The following SRPX variants were observed in gnomAD, a reference collection of about 807,000 sequenced individuals.
SRPX encodes the protein sushi repeat-containing protein SRPX.
In SRPX, 24 loss-of-function variants were observed where a neutral mutation model predicts 38.1. The ratio of observed to expected loss-of-function variants is 0.63; its 90% CI spans 0.46 to 0.89. The LOEUF (loss-of-function observed/expected upper bound fraction) is 0.89. SRPX is among the 40% of genes least tolerant of loss of function. The pLI is 0.00. For synonymous variants in SRPX, 184 were observed against 153.8 expected, an observed-to-expected ratio of 1.20 and a Z score of -1.45; for missense variants, 416 against 377.8, an observed-to-expected ratio of 1.10 and a Z score of -0.84.
chrX:38,203,562 T>A (rs1280787373), intron 1 of SRPX, among the ~76,000 whole-genome samples: 2 of 113,070 alleles, frequency 1.8e-5, no homozygotes, highest in Non-Finnish European at 3.7e-5. Context: ...GTGGATCACC[T>A]GAGGTGAGGA....
In SRPX at chrX:38,220,732, GCA is replaced by G. The variant is rs757161222; in HGVS notation, c.59_60del (p.Leu20ProfsTer23). ...CGGCTGGGCGGGACGCGCAGCAGCA[GCA>G]GCAGCAGCAGAGGCGGCAGCAGCAG... ...LLLLLPPLLL[L>X]LLLRVPPSRS... On this transcript the variant is annotated frameshift_variant, in exon 1 of 10. Transcript: ENST00000378533. LOFTEE classifies it high-confidence loss of function. 8 of 1,163,105 alleles carry G rather than the reference GCA, an allele frequency of 6.9e-6. No individual in the cohort carries two copies. In the South Asian group the frequency reaches 1.5e-4, roughly 22 times the overall value.
At position 38,172,067 on chromosome X, in the gene SRPX, A is replaced by G. The variant is rs781732790; in HGVS notation, c.350-10T>C. ...GTAGGACATCGCTTTTCTGAAAATGAGAAAATCAGATATTCAGCATTTCTT... is the reference window on the plus strand; with the variant it reads ...GTAGGACATCGCTTTTCTGAAAATGGGAAAATCAGATATTCAGCATTTCTT... On this transcript the variant is annotated splice_polypyrimidine_tract_variant and intron_variant, in intron 3 of 9. Transcript: ENST00000378533. 4 of 1,203,408 alleles carry G rather than the reference A, an allele frequency of 3.3e-6. No homozygotes were observed. The highest frequency in any genetic ancestry group is 3.5e-5 in the African/African-American group (2 of 57,227).
At position 38,178,279 on chromosome X, in the gene SRPX, A is replaced by G; in HGVS notation, c.157+6T>C. 8.3e-7 allele frequency: 1 copy of G among 1,205,302 alleles called. No individual in the cohort carries two copies. The highest frequency in any genetic ancestry group is 1.1e-6 in the Non-Finnish European group (1 of 890,452). On this transcript the variant is annotated splice_donor_region_variant and intron_variant, in intron 2 of 9. Coordinates refer to ENST00000378533, the MANE Select transcript of SRPX (RefSeq NM_006307.5). ...GTCCTCATTAGCACATAAGCAAAGC[A>G]TTCACCTTTATATCTAGGGTGTGAA...
rs1938533341 is a variant in SRPX, at chrX:38,174,358, G to C, written c.158-7C>G. On this transcript the variant is annotated splice_region_variant and splice_polypyrimidine_tract_variant and intron_variant, in intron 2 of 9. Transcript: ENST00000378533. Reference sequence around the variant, plus strand: ...GGGGAGCACCACGGGGTATCTACAAGTAGCAGAAACAAAAGAGGAGATAAA... The same window carrying C: ...GGGGAGCACCACGGGGTATCTACAACTAGCAGAAACAAAAGAGGAGATAAA... The C allele has an allele frequency of 9.8e-7, 1 of 1,021,436 alleles. No individual in the cohort carries two copies. Among genetic ancestry groups the C allele is most frequent in the Admixed American group, 4.1e-5 (1 of 24,629 alleles). 84.2% of individuals were successfully genotyped at this position (1,021,436 alleles called of 1,213,427 possible). A position where few individuals can be genotyped will look rare whatever the true frequency, so the allele number is the denominator to read the frequency against.
intron 1 of SRPX, among the ~76,000 whole-genome samples, chrX:38,190,148 A>G (rs1409518142): frequency 9.8e-5 from 11 of 112,546 alleles, no homozygotes; most frequent in African/African-American, 3.6e-4. Flanking sequence ...AGTCTAAGAA[A>G]ATAAAATAAA....
At chrX:38,149,961 C>G (rs1445970437) in intron 9 of SRPX, 67 bp from the exon 10 acceptor site, 36 of 971,692 alleles carry the variant, frequency 3.7e-5, no homozygotes, top group South Asian at 7.9e-5. Flanking sequence ...GGTGGATCAA[C>G]CAGAGCCTTA....
intron 7 of SRPX, 104 bp downstream of exon 7, chrX:38,159,913 C>T: frequency 1.1e-6 from 1 of 912,719 alleles, no homozygotes; most frequent in Non-Finnish European, 1.5e-6. Context: ...AGAGGGATGG[C>T]CATGAACTTC....
chrX:38,182,085 C>A (rs1221844249), intron 1 of SRPX, among the ~76,000 whole-genome samples: 1 of 112,349 alleles, frequency 8.9e-6, no homozygotes, highest in Non-Finnish European at 1.9e-5. Flanking sequence ...CTATGCTAGG[C>A]AATTTCTATG....
At chrX:38,197,076 C>A (rs1334961192) in intron 1 of SRPX, among the ~76,000 whole-genome samples, 1 of 112,363 alleles carries the variant, frequency 8.9e-6, no homozygotes, top group Non-Finnish European at 1.9e-5. Context: ...GGAGATGGCA[C>A]AGGGCATCAA....
rs754768928 is a variant in SRPX, at chrX:38,173,403, T to C, written c.349+757A>G. Among the ~76,000 whole-genome samples, 3 of 111,887 alleles carry C rather than the reference T, an allele frequency of 2.7e-5. No homozygotes were observed. The South Asian group carries it at 1.1e-3, about 43-fold the overall frequency. On this transcript the variant is annotated intron_variant, in intron 3 of 9. Coordinates refer to ENST00000378533, the MANE Select transcript of SRPX (RefSeq NM_006307.5). ...TCATAAATAAGCATCACTTCTTCTGTGACTCTTTCCTGCCTCCCTAAGCCC... is the reference window on the plus strand; with the variant it reads ...TCATAAATAAGCATCACTTCTTCTGCGACTCTTTCCTGCCTCCCTAAGCCC...
At position 38,160,013 on chromosome X, in the gene SRPX, C is replaced by T. The variant is rs768462872; in HGVS notation, c.955+4G>A. The T allele has an allele frequency of 2.5e-6, 3 of 1,207,621 alleles. No individual in the cohort carries two copies. The highest frequency in any genetic ancestry group is 3.5e-5 in the African/African-American group (2 of 57,900). ...GCTGCAGGCTGGAGGGGCGGCATAC[C>T]TACCTGCACAGGTGGGCTCCGTGCC... On this transcript the variant is annotated splice_donor_region_variant and intron_variant, in intron 7 of 9. Coordinates refer to ENST00000378533, the MANE Select transcript of SRPX (RefSeq NM_006307.5).
chrX:38,149,993 G>T, intron 9 of SRPX, 99 bp from the exon 10 acceptor site: 1 of 751,083 alleles, frequency 1.3e-6, no homozygotes, highest in Non-Finnish European at 1.9e-6. Context: ...TGCAGAGAAA[G>T]CTTTGATACA....
Position 38,170,141 on chromosome X carries a change from A to C in SRPX, c.526+1740T>G, listed in dbSNP as rs1249417054. The stretch of plus-strand genomic sequence containing the variant: ...ACCTTCAAATTAGCCAGACCACAGA[A>C]CTGACCACCTCAGAGTCCAAAGTAA... On this transcript the variant is annotated intron_variant, in intron 4 of 9. Coordinates refer to ENST00000378533, the MANE Select transcript of SRPX (RefSeq NM_006307.5). 2.7e-5 allele frequency among the ~76,000 whole-genome samples: 3 copies of C among 111,816 alleles called. No individual in the cohort carries two copies. The Admixed American group carries it at 2.9e-4, about 11-fold the overall frequency.
intron 1 of SRPX, among the ~76,000 whole-genome samples, chrX:38,184,498 T>C (rs1938733950): frequency 8.9e-6 from 1 of 111,914 alleles, no homozygotes; most frequent in African/African-American, 3.2e-5. Context: ...ATTCTTAACC[T>C]GAGGATCATG....
intron 1 of SRPX, among the ~76,000 whole-genome samples, chrX:38,192,569 A>T (rs1204522646): frequency 2.7e-5 from 3 of 112,715 alleles, no homozygotes; most frequent in Non-Finnish European, 3.7e-5. Flanking sequence ...GTTTTCTGTT[A>T]TTGAGAGTGC....
At chrX:38,177,021 G>T (rs1472277405) in intron 2 of SRPX, among the ~76,000 whole-genome samples, 1 of 110,845 alleles carries the variant, frequency 9.0e-6, no homozygotes, top group Non-Finnish European at 1.9e-5. Context: ...ATGCTGTGAG[G>T]TGAAGATGGA....
chrX:38,189,096 T>C (rs1446103689), intron 1 of SRPX, among the ~76,000 whole-genome samples: 2 of 111,381 alleles, frequency 1.8e-5, no homozygotes, highest in African/African-American at 6.5e-5. Context: ...TCCTCTCTGG[T>C]AGGATGCAAC....
intron 1 of SRPX, among the ~76,000 whole-genome samples, chrX:38,205,193 T>C (rs1454747050): frequency 3.6e-5 from 4 of 112,194 alleles, no homozygotes; most frequent in African/African-American, 1.3e-4. Flanking sequence ...GCAAGTTGTT[T>C]TGTGGGAGGT....
chrX:38,164,771 A>C lies in SRPX; in HGVS notation c.651T>G (p.Thr217=). 1 of 1,208,429 alleles carries C rather than the reference A, an allele frequency of 8.3e-7. No individual in the cohort carries two copies. The highest frequency in any genetic ancestry group is 1.1e-6 in the Non-Finnish European group (1 of 894,579). The change falls in exon 5 of 10, where the codon ACT becomes ACG. Residue 217 remains threonine (T), a splice_region_variant and synonymous_variant. Transcript: ENST00000378533. The part of the protein sequence containing the change: ...EGRDTADGIL[T]DVILKGLPPG... ...TTTATCTGCCAAGTTTCACTTACTCAGTAAGAATTCCATCTGCTGTGTCTC... is the reference window on the plus strand; with the variant it reads ...TTTATCTGCCAAGTTTCACTTACTCCGTAAGAATTCCATCTGCTGTGTCTC...
Sources: allele counts gnomAD v4.1 joint callset (sites outside exome capture counted in the v4.1 genomes callset), GRCh38; gene constraint gnomAD v4.1.1; transcripts MANE v1.5; gene names NCBI Gene and HGNC (gene_info 2026-07-23, HGNC 2026-07-21).